Variants in TMEM59L observed in about 807,000 individuals in gnomAD.
TMEM59L encodes transmembrane protein 59 like.
TMEM59L carries 31 observed loss-of-function variants against 39.6 expected under a neutral mutation model. That is an observed-to-expected ratio of 0.78 (90% confidence interval 0.59 to 1.06). TMEM59L has a LOEUF of 1.06. Ranked by LOEUF, TMEM59L falls within the 50% of genes least tolerant of loss-of-function variation. The pLI, the probability that TMEM59L is intolerant of heterozygous loss-of-function variation, is 0.00. For missense variants in TMEM59L, 441 were observed against 451.3 expected (o/e 0.98, Z 0.21); for synonymous variants, 219 against 202.9 (o/e 1.08, Z -0.68).
intron 3 of TMEM59L, among the ~76,000 whole-genome samples, chr19:18,614,979 CTTAT>C (rs1411627339): frequency 1.3e-5 from 2 of 152,090 alleles, no homozygotes; most frequent in East Asian, 1.9e-4. Context: ...AGAGCTCCCT[CTTAT>C]TTATTTATTT....
chr19:18,615,088 T>C (rs1156648218), intron 3 of TMEM59L, among the ~76,000 whole-genome samples: 1 of 152,126 alleles, frequency 6.6e-6, no homozygotes, highest in African/African-American at 2.4e-5. Context: ...GTTCAAGTGG[T>C]TCTCCTGCCT....
intron 5 of TMEM59L, 54 bp downstream of exon 5, chr19:18,617,156 G>A (rs762651380): frequency 2.1e-6 from 3 of 1,406,266 alleles, no homozygotes; most frequent in Non-Finnish European, 3.0e-6. Flanking sequence ...ACTGCCACAA[G>A]GAGTCGGCCT....
chr19:18,619,203 G>C (rs571468959), intron 7 of TMEM59L, among the ~76,000 whole-genome samples: 1 of 152,140 alleles, frequency 6.6e-6, no homozygotes, highest in African/African-American at 2.4e-5. Context: ...GCCCAGGCTG[G>C]TCTTGAACTC....
At chr19:18,619,973 TCACACACACACACACACACACACACACA>T (rs57681167) in intron 7 of TMEM59L, among the ~76,000 whole-genome samples, 6 of 116,808 alleles carry the variant, frequency 5.1e-5, no homozygotes, top group Non-Finnish European at 8.8e-5. Flanking sequence ...GAAGACCCCA[TCACACACACACACACACACACACACACA>T]CACACACACA....
At position 18,613,067 on chromosome 19, in the gene TMEM59L, G is replaced by T; in HGVS notation, c.109G>T (p.Gly37Trp). The change falls in exon 1 of 8, where the codon GGG becomes TGG. Residue 37 changes from glycine to tryptophan, a missense_variant. Transcript: ENST00000262817. The stretch of plus-strand genomic sequence containing the variant: ...CCGCGATCCCTTCGCCCCCCAGCTC[G>T]GGGACACGCAGAACTGCCAGCTGCG... ...SARDPFAPQL[G>W]DTQNCQLRCR... 2.2e-6 allele frequency: 3 copies of T among 1,377,280 alleles called. No homozygotes were observed. Among genetic ancestry groups the T allele is most frequent in the South Asian group, 1.7e-5 (1 of 60,580 alleles). The allele number at this position is 1,377,280 out of a possible 1,614,324, so 85.3% of individuals were successfully genotyped here.
At chr19:18,618,884 G>A (rs907025092) in intron 7 of TMEM59L, among the ~76,000 whole-genome samples, 3 of 151,480 alleles carry the variant, frequency 2.0e-5, no homozygotes, top group Middle Eastern at 3.4e-3. Context: ...TAGTAGAGAC[G>A]GTGTTTCACC....
chr19:18,613,032 C>T lies in TMEM59L; in HGVS notation c.74C>T (p.Ala25Val), dbSNP rs1032122252. The T allele has an allele frequency of 6.5e-6, 9 of 1,392,336 alleles. No homozygotes were observed. The African/African-American group carries it at 1.1e-4, about 16-fold the overall frequency. 86.2% of individuals were successfully genotyped at this position (1,392,336 alleles called of 1,614,324 possible). A position where few individuals can be genotyped will look rare whatever the true frequency, so the allele number is the denominator to read the frequency against. ...LLLASPPAAS[A>V]PSARDPFAPQ... ...TTGGCGTCGCCGCCCGCCGCCTCCG[C>T]GCCGTCCGCCCGCGATCCCTTCGCC... Residue 25 changes from alanine (A) to valine (V), a missense_variant, in exon 1 of 8, where the codon GCG (alanine) becomes GTG (valine). By Grantham distance (64) the Ala-to-Val change is moderately conservative. Coordinates refer to ENST00000262817, the MANE Select transcript of TMEM59L (RefSeq NM_012109.3).
At chr19:18,615,869 A>G (rs1976421348) in intron 3 of TMEM59L, 106 bp from the exon 4 acceptor site, 1 of 1,415,126 alleles carries the variant, frequency 7.1e-7, no homozygotes, top group East Asian at 2.3e-5. Flanking sequence ...CAGCCTTCCA[A>G]AGTGTTGGGA....
Position 18,616,982 on chromosome 19 carries a change from G to T in TMEM59L, c.562-18G>T. 1.3e-6 allele frequency: 2 copies of T among 1,591,556 alleles called. No homozygotes were observed. The highest frequency in any genetic ancestry group is 1.1e-5 in the South Asian group (1 of 87,960). On this transcript the variant is annotated intron_variant, in intron 4 of 7. Coordinates refer to ENST00000262817, the MANE Select transcript of TMEM59L (RefSeq NM_012109.3). ...CTGTTCTCACAAGCCTCTCTGTGCTGTCTTGTTCCTGGCCCAGACTCAGCC... is the reference window on the plus strand; with the variant it reads ...CTGTTCTCACAAGCCTCTCTGTGCTTTCTTGTTCCTGGCCCAGACTCAGCC...
At position 18,620,756 on chromosome 19, in the gene TMEM59L, G is replaced by A. The variant is rs1026989734; in HGVS notation, c.*220G>A. ...CGGGCACTGGTTCCTCCTTGTCCCC[G>A]CTTTCTTGGGGGCTTGCTACTTTTT... On this transcript the variant is annotated 3_prime_UTR_variant, in exon 8 of 8. Transcript: ENST00000262817. 5 of 513,542 alleles carry A rather than the reference G, an allele frequency of 9.7e-6. No individual in the cohort carries two copies. Among genetic ancestry groups the A allele is most frequent in the African/African-American group, 3.9e-5 (2 of 51,856 alleles). The allele number at this position is 513,542 out of a possible 1,614,324, so 31.8% of individuals were successfully genotyped here.
chr19:18,616,585 G>T (rs142577011), intron 4 of TMEM59L, among the ~76,000 whole-genome samples: 1,756 of 152,190 alleles, frequency 0.012, 28 homozygotes, highest in African/African-American at 0.04. Context: ...TGGAGACGGG[G>T]TTTCGCCATG....
chr19:18,619,394 C>G (rs1443228414), intron 7 of TMEM59L, among the ~76,000 whole-genome samples: 2 of 152,174 alleles, frequency 1.3e-5, no homozygotes, highest in Non-Finnish European at 2.9e-5. Context: ...CAGAGGTGGC[C>G]ACACTTCTGT....
chr19:18,619,832 G>A (rs1976474669), intron 7 of TMEM59L, among the ~76,000 whole-genome samples: 1 of 150,504 alleles, frequency 6.6e-6, no homozygotes, highest in African/African-American at 2.4e-5. Context: ...AAAAAAATTA[G>A]CTAGACGTGG....
chr19:18,613,136 C>T lies in TMEM59L; in HGVS notation c.171+7C>T. 7.8e-7 allele frequency: 1 copy of T among 1,275,450 alleles called. No homozygotes were observed. The highest frequency in any genetic ancestry group is 9.9e-7 in the Non-Finnish European group (1 of 1,013,812). 79.0% of individuals were successfully genotyped at this position (1,275,450 alleles called of 1,614,324 possible). On this transcript the variant is annotated splice_region_variant and intron_variant, in intron 1 of 7. Transcript: ENST00000262817. ...CGGCCCGCAGCCCTCGCAGGTGAGG[C>T]GCGTGCGGTGCCAGGTGCCAGCGGG...
At chr19:18,615,263 A>G (rs1976415433) in intron 3 of TMEM59L, among the ~76,000 whole-genome samples, 1 of 152,180 alleles carries the variant, frequency 6.6e-6, no homozygotes, top group South Asian at 2.1e-4. Flanking sequence ...GATTACAGGC[A>G]TGAGCCACCA....
chr19:18,615,075 C>T (rs745796734), intron 3 of TMEM59L, among the ~76,000 whole-genome samples: 3 of 152,222 alleles, frequency 2.0e-5, no homozygotes, highest in South Asian at 4.1e-4. Flanking sequence ...CTCCGCCTCC[C>T]GGGTTCAAGT....
At chr19:18,614,994 A>T (rs920420659) in intron 3 of TMEM59L, among the ~76,000 whole-genome samples, 4 of 151,810 alleles carry the variant, frequency 2.6e-5, no homozygotes, top group Admixed American at 1.3e-4. Context: ...TTATTTATTT[A>T]TTTTTTGAGA....
chr19:18,618,433 A>G lies in TMEM59L; in HGVS notation c.841A>G (p.Met281Val). ...ACCLFLSVLVMLWLSCSTLVT... is the reference protein window; with the variant it reads ...ACCLFLSVLVVLWLSCSTLVT... ...CTGCCTCTTCCTCTCCGTGCTGGTG[A>G]TGCTGTGGCTGAGCTGCTCCACCCT... Residue 281 changes from methionine to valine, a missense_variant, in exon 7 of 8, where the codon ATG becomes GTG. Coordinates refer to ENST00000262817, the MANE Select transcript of TMEM59L (RefSeq NM_012109.3). 2 of 1,608,260 alleles carry G rather than the reference A, an allele frequency of 1.2e-6. No individual in the cohort carries two copies. Among genetic ancestry groups the G allele is most frequent in the Non-Finnish European group, 8.5e-7 (1 of 1,179,222 alleles).
intron 7 of TMEM59L, among the ~76,000 whole-genome samples, chr19:18,619,933 G>A (rs1976475628): frequency 6.6e-6 from 1 of 150,808 alleles, no homozygotes; most frequent in Admixed American, 6.6e-5. Context: ...AGCTGTGATG[G>A]CACCACTATA....
Sources: gnomAD v4.1 joint callset for allele counts (sites outside exome capture counted in the v4.1 genomes callset) on GRCh38, gnomAD v4.1.1 for gene constraint, MANE v1.5 for transcripts, NCBI Gene and HGNC (gene_info 2026-07-23, HGNC 2026-07-21) for gene names.